PPP2R2C: variants seen among roughly 807,000 people sequenced by gnomAD.
PPP2R2C encodes protein phosphatase 2 regulatory subunit Bgamma, also known as protein phosphatase 2, regulatory subunit B, gamma.
A neutral mutation model predicts 45.3 loss-of-function variants in PPP2R2C; 10 were observed. The ratio of observed to expected loss-of-function variants is 0.22; its 90% CI spans 0.14 to 0.37. The LOEUF is 0.37. PPP2R2C is among the 10% of genes least tolerant of loss of function. The probability of loss-of-function intolerance (pLI) is 1.00; values close to 1 mark genes in which losing one functional copy is unlikely to be tolerated. For synonymous variants in PPP2R2C, 257 were observed against 245.4 expected (o/e 1.05, Z -0.44); for missense variants, 308 against 619.7 (o/e 0.50, Z 5.34).
chr4:6,492,373 C>T (rs954606466), intron 2 of PPP2R2C, among the ~76,000 whole-genome samples: 1 of 152,224 alleles, frequency 6.6e-6, no homozygotes, highest in African/African-American at 2.4e-5. Flanking sequence ...TGGTCTTCAG[C>T]CTGTCCAGGG....
chr4:6,510,977 A>AAAC (rs200337286), intron 2 of PPP2R2C, among the ~76,000 whole-genome samples: 32,462 of 78,194 alleles, frequency 0.42, 5,172 homozygotes, highest in South Asian at 0.63. Context: ...ACTCCGTCTC[A>AAAC]AACAAAAAAA....
chr4:6,474,531 C>T (rs1722068460), upstream of PPP2R2C, among the ~76,000 whole-genome samples: 1 of 152,170 alleles, frequency 6.6e-6, no homozygotes, highest in Non-Finnish European at 1.5e-5. Flanking sequence ...TGCCAAAACA[C>T]CCACCCTATG....
intron 1 of PPP2R2C, among the ~76,000 whole-genome samples, chr4:6,415,333 G>A (rs760740649): frequency 1.3e-5 from 2 of 152,228 alleles, no homozygotes; most frequent in African/African-American, 2.4e-5. Context: ...CAGACATTTA[G>A]CCTCTTATTT....
intron 1 of PPP2R2C, among the ~76,000 whole-genome samples, chr4:6,449,377 T>C (rs1400681606): frequency 6.6e-6 from 1 of 152,240 alleles, no homozygotes; most frequent in African/African-American, 2.4e-5. Context: ...AACTGCACTT[T>C]CACAGTGCAC....
Position 6,327,974 on chromosome 4 carries a change from G to C in PPP2R2C, c.1052+1288C>G, listed in dbSNP as rs561650850. 5.0e-5 allele frequency among the ~76,000 whole-genome samples: 6 copies of C among 120,046 alleles called. No homozygotes were observed. In the South Asian group the frequency reaches 1.5e-3, roughly 31 times the overall value. 78.8% of individuals were successfully genotyped at this position (120,046 alleles called of 152,430 possible). ...CCTGGTCCTGTCTCTGCCATGTCCAGCCCTCCCCTCATCCCACACACCAAC... is the reference window on the plus strand; with the variant it reads ...CCTGGTCCTGTCTCTGCCATGTCCACCCCTCCCCTCATCCCACACACCAAC... On this transcript the variant is annotated intron_variant, in intron 8 of 8. Transcript: ENST00000382599.
intron 1 of PPP2R2C, among the ~76,000 whole-genome samples, chr4:6,547,228 A>G (rs1379283250): frequency 6.6e-6 from 1 of 151,790 alleles, no homozygotes; most frequent in East Asian, 1.9e-4. Flanking sequence ...ACGCCCTTAC[A>G]CTTCAGCATG....
chr4:6,436,619 T>C (rs1268142458), intron 1 of PPP2R2C, among the ~76,000 whole-genome samples: 2 of 152,232 alleles, frequency 1.3e-5, no homozygotes, highest in African/African-American at 2.4e-5. Flanking sequence ...AAATTCAGAA[T>C]GTTTCCTGCT....
rs1016622278 is a variant in PPP2R2C at position 6,350,649 on chromosome 4, T to C, written c.626-2639A>G. The C allele has an allele frequency of 5.3e-6, 5 of 950,952 alleles. No individual in the cohort carries two copies. The African/African-American group carries it at 6.4e-5, about 12-fold the overall frequency. The allele number at this position is 950,952 out of a possible 1,614,324, so 58.9% of individuals were successfully genotyped here. On this transcript the variant is annotated intron_variant, in intron 5 of 8. Transcript: ENST00000382599. ...AAATGCTGACACCCAGGGGGTTCTC[T>C]GAACATTCCAGGTTCTCTCCCAAGG...
chr4:6,358,959 T>G (rs536232390), intron 5 of PPP2R2C, among the ~76,000 whole-genome samples: 2 of 152,324 alleles, frequency 1.3e-5, no homozygotes, highest in East Asian at 3.9e-4. Context: ...GATCTAGAAC[T>G]AGAAATACCA....
chr4:6,355,836 C>CA (rs71173436), intron 5 of PPP2R2C, among the ~76,000 whole-genome samples: 82,639 of 150,520 alleles, frequency 0.55, 24,868 homozygotes, highest in East Asian at 0.73. Flanking sequence ...ACTAAAAATA[C>CA]AAAAAAAATT....
At chr4:6,341,164 A>C (rs1375831634) in intron 6 of PPP2R2C, among the ~76,000 whole-genome samples, 1 of 152,212 alleles carries the variant, frequency 6.6e-6, no homozygotes, top group African/African-American at 2.4e-5. Context: ...CAACATGGCA[A>C]AACCTTGTCT....
At chr4:6,453,748 C>G (rs560475429) in intron 1 of PPP2R2C, among the ~76,000 whole-genome samples, 34 of 152,278 alleles carry the variant, frequency 2.2e-4, no homozygotes, top group Admixed American at 1.3e-3. Context: ...AAAATTCAGC[C>G]CAGCTCACCT....
chr4:6,547,545 G>T (rs1465191931), intron 1 of PPP2R2C, among the ~76,000 whole-genome samples: 1 of 152,068 alleles, frequency 6.6e-6, no homozygotes, highest in Non-Finnish European at 1.5e-5. Context: ...AGAAAAACAG[G>T]CCTGAGGCTC....
chr4:6,411,433 A>G (rs1469165416), intron 1 of PPP2R2C, among the ~76,000 whole-genome samples: 1 of 151,798 alleles, frequency 6.6e-6, no homozygotes, highest in African/African-American at 2.4e-5. Flanking sequence ...TCCTCCCATC[A>G]TTCCTCCCTA....
At chr4:6,420,878 G>A (rs1718916196) in intron 1 of PPP2R2C, 1 of 938,798 alleles carries the variant, frequency 1.1e-6, no homozygotes, top group Non-Finnish European at 1.3e-6. Flanking sequence ...CTTGTTGGAT[G>A]TTACTGATGG....
intron 1 of PPP2R2C, chr4:6,383,390 C>T (rs1207440738): frequency 1.6e-6 from 2 of 1,289,724 alleles, no homozygotes; most frequent in Non-Finnish European, 2.0e-6. Context: ...TTTAACTCAG[C>T]AAAAGGTACC....
intron 1 of PPP2R2C, among the ~76,000 whole-genome samples, chr4:6,425,659 C>T (rs141849994): frequency 2.6e-5 from 4 of 152,316 alleles, no homozygotes; most frequent in Non-Finnish European, 4.4e-5. Flanking sequence ...CCCTTCATCA[C>T]GTGCAGGAAC....
upstream of PPP2R2C, among the ~76,000 whole-genome samples, chr4:6,473,174 C>G (rs1722007334): frequency 6.6e-6 from 1 of 152,048 alleles, no homozygotes; most frequent in Admixed American, 6.5e-5. Context: ...TGGGCCTCCC[C>G]CAGGCAGGGC....
chr4:6,475,590 G>A (rs924657814), upstream of PPP2R2C, among the ~76,000 whole-genome samples: 5 of 152,178 alleles, frequency 3.3e-5, no homozygotes, highest in African/African-American at 1.2e-4. Flanking sequence ...ACCAGTGGAC[G>A]CATGCTGGCC....
Sources: allele counts gnomAD v4.1 joint callset (sites outside exome capture counted in the v4.1 genomes callset), GRCh38; gene constraint gnomAD v4.1.1; transcripts MANE v1.5; gene names NCBI Gene and HGNC (gene_info 2026-07-23, HGNC 2026-07-21).